The following B4GALT6 variants were observed in gnomAD, a reference collection of about 807,000 sequenced individuals.
B4GALT6 encodes the protein UDP-Gal:beta-GlcNAc beta-1,4-galactosyltransferase 6.
B4GALT6 carries 14 observed loss-of-function variants against 46.3 expected under a neutral mutation model. The ratio of observed to expected loss-of-function variants is 0.30; its 90% CI spans 0.20 to 0.47. The LOEUF (loss-of-function observed/expected upper bound fraction) is 0.47, where lower values mean the gene tolerates loss of function less well. Among genes scored for constraint, B4GALT6 ranks in the 20% least tolerant of loss-of-function variants. The pLI is 0.99. For missense variants in B4GALT6, 386 were observed against 480.1 expected, an observed-to-expected ratio of 0.80 and a Z score of 1.83; for synonymous variants, 168 against 162.0, an observed-to-expected ratio of 1.04 and a Z score of -0.28.
the B4GALT6 span, among the ~76,000 whole-genome samples, chr18:31,716,840 C>T: frequency 6.6e-6 from 1 of 152,198 alleles, no homozygotes; most frequent in Non-Finnish European, 1.5e-5. Flanking sequence ...CCACTCACGC[C>T]TGTAATCCCA....
intron 4 of B4GALT6, among the ~76,000 whole-genome samples, chr18:31,644,286 T>G (rs369969704): frequency 1.6e-4 from 25 of 152,344 alleles, no homozygotes; most frequent in South Asian, 1.4e-3. Context: ...CAAAACTGTG[T>G]TTAGTGCTTA....
At chr18:31,687,713 T>C (rs2029974774), upstream of B4GALT6, among the ~76,000 whole-genome samples, 1 of 152,244 alleles carries the variant, frequency 6.6e-6, no homozygotes, top group Admixed American at 6.5e-5. Flanking sequence ...AGTATTCCTT[T>C]TATTATTTTC....
intron 6 of B4GALT6, among the ~76,000 whole-genome samples, chr18:31,630,691 A>G (rs958337198): frequency 2.6e-5 from 4 of 152,094 alleles, no homozygotes; most frequent in Non-Finnish European, 5.9e-5. Flanking sequence ...AAGTGTGAGA[A>G]CCCAAGTTTA....
At chr18:31,658,556 A>G (rs2144650557) in intron 2 of B4GALT6, 1 of 153,126 alleles carries the variant, frequency 6.5e-6, no homozygotes, top group Non-Finnish European at 1.5e-5. Flanking sequence ...CACTCAACTT[A>G]CTTTTGTAAT....
chr18:31,655,259 G>T (rs1048230780), intron 3 of B4GALT6, among the ~76,000 whole-genome samples: 4 of 152,176 alleles, frequency 2.6e-5, no homozygotes, highest in African/African-American at 9.7e-5. Context: ...TCTGTATGTG[G>T]CTGTATTTTC....
chr18:31,633,286 G>A (rs1482042915), intron 5 of B4GALT6, among the ~76,000 whole-genome samples: 1 of 152,076 alleles, frequency 6.6e-6, no homozygotes, highest in East Asian at 1.9e-4. Flanking sequence ...GACGTCGAGA[G>A]GAACACACCA....
At chr18:31,677,079 T>C (rs751602397) in intron 1 of B4GALT6, among the ~76,000 whole-genome samples, 14 of 152,102 alleles carry the variant, frequency 9.2e-5, no homozygotes, top group Non-Finnish European at 2.1e-4. Context: ...AATGAACACA[T>C]AACACAACAA....
chr18:31,664,710 C>T (rs2074263922), intron 2 of B4GALT6, among the ~76,000 whole-genome samples: 1 of 152,134 alleles, frequency 6.6e-6, no homozygotes, highest in Non-Finnish European at 1.5e-5. Flanking sequence ...TGTCTATTTC[C>T]TTTCAGTTGA....
chr18:31,693,927 C>T, the B4GALT6 span, among the ~76,000 whole-genome samples: 6 of 152,236 alleles, frequency 3.9e-5, no homozygotes, highest in South Asian at 1.2e-3. Context: ...ATGATCATGC[C>T]ACTCCAGCCT....
chr18:31,683,778 C>A (rs1288317795), intron 1 of B4GALT6, among the ~76,000 whole-genome samples: 6 of 152,086 alleles, frequency 3.9e-5, no homozygotes, highest in African/African-American at 7.2e-5. Flanking sequence ...GACAACTCAT[C>A]GCCTTAAAAT....
At chr18:31,704,525 G>C in the B4GALT6 span, among the ~76,000 whole-genome samples, 1 of 152,158 alleles carries the variant, frequency 6.6e-6, no homozygotes, top group South Asian at 2.1e-4. Flanking sequence ...TATATCAAAG[G>C]TCTGCATCTA....
At chr18:31,691,427 T>C in the B4GALT6 span, among the ~76,000 whole-genome samples, 9 of 150,540 alleles carry the variant, frequency 6.0e-5, no homozygotes, top group East Asian at 3.9e-4. Flanking sequence ...GCCATCTTCA[T>C]AGGCGAATGA....
intron 2 of B4GALT6, among the ~76,000 whole-genome samples, chr18:31,665,982 T>C (rs537769145): frequency 6.6e-6 from 1 of 152,326 alleles, no homozygotes; most frequent in Non-Finnish European, 1.5e-5. Context: ...AAATACAACA[T>C]ACGAATTGAA....
chr18:31,723,489 G>A, the B4GALT6 span, among the ~76,000 whole-genome samples: 1 of 152,114 alleles, frequency 6.6e-6, no homozygotes, highest in Non-Finnish European at 1.5e-5. Context: ...AGCTTCTAGG[G>A]TAAAGGCTGT....
chr18:31,632,024 T>C (rs1305983485), intron 5 of B4GALT6, among the ~76,000 whole-genome samples: 1 of 152,142 alleles, frequency 6.6e-6, no homozygotes, highest in East Asian at 1.9e-4. Flanking sequence ...TGAACATATA[T>C]TAAGGTGCAC....
chr18:31,664,152 C>T (rs1598913275), intron 2 of B4GALT6, among the ~76,000 whole-genome samples: 1 of 66,372 alleles, frequency 1.5e-5, no homozygotes, highest in East Asian at 5.9e-4. Flanking sequence ...CCTACTGACC[C>T]AAGTTCAAAC....
chr18:31,723,342 A>G, the B4GALT6 span, among the ~76,000 whole-genome samples: 1 of 152,230 alleles, frequency 6.6e-6, no homozygotes, highest in East Asian at 1.9e-4. Flanking sequence ...TAAGATAGGT[A>G]AGAATGGCTA....
At chr18:31,644,257 C>T (rs1430160489) in intron 4 of B4GALT6, among the ~76,000 whole-genome samples, 3 of 152,144 alleles carry the variant, frequency 2.0e-5, no homozygotes, top group Non-Finnish European at 4.4e-5. Flanking sequence ...CTTTTATTTG[C>T]CTTATAGAGT....
At chr18:31,656,488 T>C (rs892386161) in intron 3 of B4GALT6, among the ~76,000 whole-genome samples, 1 of 151,940 alleles carries the variant, frequency 6.6e-6, no homozygotes, top group Non-Finnish European at 1.5e-5. Context: ...GTGTTTTTTT[T>C]AAAATAATGA....
Sources: gnomAD v4.1 joint callset for allele counts (sites outside exome capture counted in the v4.1 genomes callset) on GRCh38, gnomAD v4.1.1 for gene constraint, MANE v1.5 for transcripts, NCBI Gene and HGNC (gene_info 2026-07-23, HGNC 2026-07-21) for gene names.